Variants in SHANK2 observed in about 807,000 individuals in gnomAD.
SHANK2 encodes SH3 and multiple ankyrin repeat domains 2.
SHANK2 carries 43 observed loss-of-function variants against 133.7 expected under a neutral mutation model. The ratio of observed to expected loss-of-function variants is 0.32; its 90% CI spans 0.25 to 0.41. SHANK2 has a LOEUF of 0.41. SHANK2 is among the 10% of genes least tolerant of loss of function. The pLI, the probability that SHANK2 is intolerant of heterozygous loss-of-function variation, is 1.00. For missense variants in SHANK2, 1,994 were observed against 2,235.8 expected (o/e 0.89, Z 2.18); for synonymous variants, 1,017 against 952.8 (o/e 1.07, Z -1.24).
rs146433992 is a variant in SHANK2, at chr11:70,854,897, C to T, written c.1175-34215G>A. Among the ~76,000 whole-genome samples, 683 of 152,316 alleles carry T rather than the reference C, an allele frequency of 4.5e-3. 6 individuals carry two copies. Among genetic ancestry groups the T allele is most frequent in the Non-Finnish European group, 8.0e-3 (542 of 68,034 alleles). On this transcript the variant is annotated intron_variant, in intron 11 of 25. Coordinates refer to ENST00000601538, the MANE Select transcript of SHANK2 (RefSeq NM_012309.5). ...GTCTCCCTACTACACCTGTGTTGCA[C>T]GCAGGGAGTGAACAGCAAGAGCTGT...
intron 17 of SHANK2, chr11:70,631,732 G>C (rs1339512817): frequency 1.3e-5 from 2 of 152,304 alleles, no homozygotes; most frequent in African/African-American, 4.8e-5. Context: ...ATGAAGCCTG[G>C]CCCAAAGCAG....
At position 70,471,101 on chromosome 11, in the gene SHANK2, T is replaced by C. The variant is rs2058592780; in HGVS notation, c.*1768A>G. 5.0e-6 allele frequency: 2 copies of C among 396,296 alleles called. No homozygotes were observed. Among genetic ancestry groups the C allele is most frequent in the Admixed American group, 4.4e-5 (1 of 22,630 alleles). 24.5% of individuals were successfully genotyped at this position (396,296 alleles called of 1,614,324 possible). A position where few individuals can be genotyped will look rare whatever the true frequency, so the allele number is the denominator to read the frequency against. On this transcript the variant is annotated 3_prime_UTR_variant, in exon 26 of 26. Transcript: ENST00000601538. The surrounding 1 kb of genome is among the most constrained non-coding windows in gnomAD (Gnocchi z 4.1). ...TTTCTTTAACTTTCTAGCACTGAAGTGGCACAAAGGCTGCCTAGTAGACCA... is the reference window on the plus strand; with the variant it reads ...TTTCTTTAACTTTCTAGCACTGAAGCGGCACAAAGGCTGCCTAGTAGACCA...
intron 1 of SHANK2, among the ~76,000 whole-genome samples, chr11:71,250,654 C>T (rs1390807649): frequency 6.6e-6 from 1 of 152,172 alleles, no homozygotes; most frequent in Non-Finnish European, 1.5e-5. Context: ...GCAATCGGCC[C>T]GGGGCTGTTC....
At chr11:70,540,345 C>CGGCGTCTGAGAAACCCA (rs2059603565) in intron 17 of SHANK2, among the ~76,000 whole-genome samples, 2 of 147,726 alleles carry the variant, frequency 1.4e-5, no homozygotes, top group Admixed American at 1.4e-4. Flanking sequence ...GTCAAGGGGA[C>CGGCGTCTGAGAAACCCA]GGCGTCTGAG....
At chr11:70,880,677 C>T (rs1366690237) in intron 11 of SHANK2, among the ~76,000 whole-genome samples, 4 of 152,198 alleles carry the variant, frequency 2.6e-5, no homozygotes, top group African/African-American at 9.6e-5. Context: ...AGACCCTGGG[C>T]TGGGGCTGGG....
chr11:70,806,945 T>G (rs2135270902), intron 13 of SHANK2, 57 bp downstream of exon 13: 3 of 674,306 alleles, frequency 4.4e-6, no homozygotes, highest in South Asian at 3.3e-5. Flanking sequence ...GCAGGCCGGG[T>G]GAAGGGCCCC....
chr11:71,067,800 C>T (rs1465610808), intron 9 of SHANK2, among the ~76,000 whole-genome samples: 7 of 151,792 alleles, frequency 4.6e-5, no homozygotes, highest in African/African-American at 1.7e-4. Context: ...CCACCACTAC[C>T]ACTATGACCA....
chr11:70,862,253 A>C (rs1341028152), intron 11 of SHANK2, among the ~76,000 whole-genome samples: 2 of 152,194 alleles, frequency 1.3e-5, no homozygotes, highest in South Asian at 4.1e-4. Context: ...GCTGCGATTA[A>C]GTGTCTCAGG....
chr11:70,910,585 ATGACT>A (rs1381296032), intron 10 of SHANK2, among the ~76,000 whole-genome samples: 2 of 152,178 alleles, frequency 1.3e-5, no homozygotes, highest in Admixed American at 1.3e-4. Flanking sequence ...AGGTGGACAG[ATGACT>A]TGAGGTCAGG....
chr11:70,792,447 C>T (rs200210438), intron 14 of SHANK2, among the ~76,000 whole-genome samples: 15 of 150,224 alleles, frequency 1.0e-4, no homozygotes, highest in East Asian at 7.8e-4. Flanking sequence ...AACCAACCAA[C>T]GAGGACCACC....
At chr11:71,209,381 T>TGCAGGGC (rs1405162632) in intron 2 of SHANK2, among the ~76,000 whole-genome samples, 3 of 152,206 alleles carry the variant, frequency 2.0e-5, no homozygotes, top group Non-Finnish European at 4.4e-5. Context: ...AAAACCCACG[T>TGCAGGGC]GCAGGGCTGA....
chr11:70,505,133 A>G (rs2059118364), intron 17 of SHANK2, among the ~76,000 whole-genome samples: 1 of 152,150 alleles, frequency 6.6e-6, no homozygotes, highest in African/African-American at 2.4e-5. Context: ...AGGAGACTGA[A>G]CAGAGGCCTG....
At chr11:70,525,236 G>A (rs1480145529) in intron 17 of SHANK2, among the ~76,000 whole-genome samples, 1 of 152,226 alleles carries the variant, frequency 6.6e-6, no homozygotes, top group African/African-American at 2.4e-5. Context: ...CTTCTTCTGG[G>A]AAACACCTCT....
rs575216012 is a variant in SHANK2, at chr11:70,557,768, G to C, written c.2062-54837C>G. ...TCCGGAGATCCCCAGTGATCCCGAG[G>C]AGGCTGGGCCTGCACGTTTCCAACG... On this transcript the variant is annotated intron_variant, in intron 17 of 25. Transcript: ENST00000601538. Among the ~76,000 whole-genome samples, 556 of 152,286 alleles carry C rather than the reference G, an allele frequency of 3.7e-3. 3 individuals are homozygous for C. Among genetic ancestry groups the C allele is most frequent in the Middle Eastern group, 6.8e-3 (2 of 294 alleles).
chr11:70,920,395 T>G (rs1950333505), intron 10 of SHANK2, among the ~76,000 whole-genome samples: 2 of 152,182 alleles, frequency 1.3e-5, no homozygotes, highest in South Asian at 4.1e-4. Flanking sequence ...ACCCAGTCTA[T>G]TTTAAAAAAT....
intron 14 of SHANK2, among the ~76,000 whole-genome samples, chr11:70,795,609 T>C (rs944671894): frequency 6.6e-6 from 1 of 152,140 alleles, no homozygotes; most frequent in Non-Finnish European, 1.5e-5. Context: ...TTTCACCATG[T>C]TGGCCAGGCT....
chr11:70,605,121 C>T (rs1340308946), intron 17 of SHANK2, among the ~76,000 whole-genome samples: 1 of 152,230 alleles, frequency 6.6e-6, no homozygotes, highest in Non-Finnish European at 1.5e-5. Flanking sequence ...AAGGGCAGGG[C>T]TTGAGCCTGG....
chr11:71,162,458 T>A (rs1428249079), intron 2 of SHANK2, among the ~76,000 whole-genome samples: 24 of 152,128 alleles, frequency 1.6e-4, no homozygotes, highest in Admixed American at 2.0e-4. Context: ...GGATCAAGCT[T>A]CCAACACATG....
intron 2 of SHANK2, among the ~76,000 whole-genome samples, chr11:71,196,861 G>A (rs1555116265): frequency 6.6e-6 from 1 of 151,990 alleles, no homozygotes; most frequent in African/African-American, 2.4e-5. Flanking sequence ...AGCTGGGCAT[G>A]GTGGCGGGCG....
Sources: allele counts gnomAD v4.1 joint callset (sites outside exome capture counted in the v4.1 genomes callset), GRCh38; gene constraint gnomAD v4.1.1; non-coding constraint Gnocchi (gnomAD v3.1); transcripts MANE v1.5; gene names NCBI Gene and HGNC (gene_info 2026-07-23, HGNC 2026-07-21).